ATRX: variants seen among roughly 807,000 people sequenced by gnomAD.
ATRX encodes the protein chromatin remodeler ATRX.
A neutral mutation model predicts 172.6 loss-of-function variants in ATRX; 12 were observed. The ratio of observed to expected loss-of-function variants is 0.07; its 90% CI spans 0.04 to 0.11. The LOEUF (loss-of-function observed/expected upper bound fraction) is 0.11, where lower values mean the gene tolerates loss of function less well. Among genes scored for constraint, ATRX ranks in the 10% least tolerant of loss-of-function variants. ATRX has a pLI of 1.00. For synonymous variants in ATRX, 674 were observed against 594.7 expected (o/e 1.13, Z -1.94); for missense variants, 1,368 against 1,767.4 (o/e 0.77, Z 4.05).
chrX:77,729,330 G>A (rs1462160542), intron 1 of ATRX, among the ~76,000 whole-genome samples: 3 of 111,013 alleles, frequency 2.7e-5, no homozygotes, highest in African/African-American at 9.8e-5. Flanking sequence ...GTTTAAAATT[G>A]CATTAAAATA....
chrX:77,536,335 T>C (rs899113746), intron 30 of ATRX, among the ~76,000 whole-genome samples: 2 of 112,117 alleles, frequency 1.8e-5, no homozygotes, highest in Admixed American at 9.5e-5. Context: ...TTGCAATTTA[T>C]ATTCCTTTAA....
At chrX:77,672,700 C>T (rs782668442) in intron 10 of ATRX, among the ~76,000 whole-genome samples, 3 of 109,376 alleles carry the variant, frequency 2.7e-5, no homozygotes, top group Admixed American at 9.8e-5. Flanking sequence ...AAAAAAAAAG[C>T]ATTTAGTCGC....
At chrX:77,660,444 A>G (rs1557121993) in intron 12 of ATRX, among the ~76,000 whole-genome samples, 2 of 109,718 alleles carry the variant, frequency 1.8e-5, no homozygotes, top group African/African-American at 6.6e-5. Flanking sequence ...GGGCGCCTGT[A>G]GTCCCAGCTA....
chrX:77,576,721 A>G (rs2065632962), intron 27 of ATRX, among the ~76,000 whole-genome samples: 1 of 111,279 alleles, frequency 9.0e-6, no homozygotes, highest in African/African-American at 3.3e-5. Context: ...CCCATACAAC[A>G]TGGAGCACTC....
At chrX:77,522,426 T>C (rs782381065) in intron 31 of ATRX, 38 bp from the exon 32 acceptor site, 3 of 1,196,108 alleles carry the variant, frequency 2.5e-6, no homozygotes, top group African/African-American at 3.5e-5. Flanking sequence ...CACATTGTGA[T>C]TTAAAACTTG....
rs782789594 is a variant in ATRX at position 77,557,544 on chromosome X, A to G, written c.6606T>C (p.Asn2202=). Residue 2202 remains asparagine, a synonymous_variant, in exon 30 of 35, where the codon AAT becomes AAC. Transcript: ENST00000373344. ...CAAAAGTATAAAGTTCAGTAAGCTC[A>G]TTCATAGTAAAATGACGCTCCACCT... is the stretch of plus-strand genomic sequence containing the variant. The part of the protein sequence containing the change: ...QQQVERHFTM[N]ELTELYTFEP... The G allele has an allele frequency of 1.7e-6, 2 of 1,209,856 alleles. No homozygotes were observed. The highest frequency in any genetic ancestry group is 2.3e-4 in the Middle Eastern group (1 of 4,349).
At chrX:77,734,032 T>C (rs1181228496) in intron 1 of ATRX, among the ~76,000 whole-genome samples, 2 of 107,383 alleles carry the variant, frequency 1.9e-5, no homozygotes, top group Admixed American at 2.0e-4. Context: ...TGAAACTCCA[T>C]CTCTACTAAA....
intron 17 of ATRX, among the ~76,000 whole-genome samples, chrX:77,634,232 T>TAAAAAAAAAAAAA (rs144290953): frequency 1.8e-5 from 1 of 54,068 alleles, no homozygotes; most frequent in Non-Finnish European, 3.2e-5. Flanking sequence ...TTAAAAGTTG[T>TAAAAAAAAAAAAA]AAAAAAAAAA....
At chrX:77,681,264 T>C (rs2071172302) in intron 9 of ATRX, among the ~76,000 whole-genome samples, 1 of 111,778 alleles carries the variant, frequency 8.9e-6, no homozygotes, top group Non-Finnish European at 1.9e-5. Context: ...GCACTAAACA[T>C]TGATAAAGAA....
intron 34 of ATRX, among the ~76,000 whole-genome samples, chrX:77,509,280 GC>G: frequency 8.9e-6 from 1 of 111,872 alleles, no homozygotes. Context: ...ATCATCCATA[GC>G]TCTACCTTTT....
chrX:77,751,850 C>T (rs1228871914), intron 1 of ATRX, among the ~76,000 whole-genome samples: 2 of 111,278 alleles, frequency 1.8e-5, no homozygotes, highest in Non-Finnish European at 3.8e-5. Context: ...ATTTCTGAGG[C>T]CTCGGTTCTG....
chrX:77,517,779 T>A (rs1334335143), intron 34 of ATRX, among the ~76,000 whole-genome samples: 5 of 111,706 alleles, frequency 4.5e-5, no homozygotes, highest in Non-Finnish European at 9.4e-5. Context: ...AACAAAATAA[T>A]AGCAAACACA....
chrX:77,663,798 G>C (rs2070064714), intron 11 of ATRX, among the ~76,000 whole-genome samples: 1 of 111,324 alleles, frequency 9.0e-6, no homozygotes, highest in Non-Finnish European at 1.9e-5. Flanking sequence ...AAAATATTTT[G>C]CTTTGAAAAT....
intron 22 of ATRX, among the ~76,000 whole-genome samples, chrX:77,609,183 C>A (rs1602797223): frequency 9.0e-6 from 1 of 110,927 alleles, no homozygotes; most frequent in East Asian, 2.8e-4. Context: ...GGAGGTTCCT[C>A]AAAAAAGCAA....
intron 14 of ATRX, among the ~76,000 whole-genome samples, chrX:77,653,595 T>A (rs1212226450): frequency 8.9e-6 from 1 of 111,765 alleles, no homozygotes; most frequent in Admixed American, 9.5e-5. Flanking sequence ...AGTTTCTGCT[T>A]GTGAATATAA....
At chrX:77,677,213 A>G (rs1557134094) in intron 9 of ATRX, among the ~76,000 whole-genome samples, 1 of 111,879 alleles carries the variant, frequency 8.9e-6, no homozygotes, top group Non-Finnish European at 1.9e-5. Flanking sequence ...GTAGGTTAAT[A>G]CTATGCATGC....
At chrX:77,701,141 G>A (rs1171709313) in intron 2 of ATRX, among the ~76,000 whole-genome samples, 1 of 112,077 alleles carries the variant, frequency 8.9e-6, no homozygotes, top group African/African-American at 3.2e-5. Flanking sequence ...GTGCATGTGT[G>A]GAAGCAGGGA....
chrX:77,714,441 T>TA (rs2073269560), intron 2 of ATRX, among the ~76,000 whole-genome samples: 1 of 111,918 alleles, frequency 8.9e-6, no homozygotes, highest in Admixed American at 9.5e-5. Context: ...TAAGTTTTGA[T>TA]AATAAAAAGA....
At chrX:77,624,451 G>A (rs1229058278) in intron 19 of ATRX, among the ~76,000 whole-genome samples, 1 of 111,389 alleles carries the variant, frequency 9.0e-6, no homozygotes, top group Non-Finnish European at 1.9e-5. Flanking sequence ...GTTTGCTGAC[G>A]ATTATCGTTT....
Sources: gnomAD v4.1 joint callset for allele counts (sites outside exome capture counted in the v4.1 genomes callset) on GRCh38, gnomAD v4.1.1 for gene constraint, MANE v1.5 for transcripts, NCBI Gene and HGNC (gene_info 2026-07-23, HGNC 2026-07-21) for gene names.